The following ADGB variants were observed in gnomAD, a reference collection of about 807,000 sequenced individuals.
ADGB encodes the protein androglobin, also known as calpain-7-like protein.
A neutral mutation model predicts 210.5 loss-of-function variants in ADGB; 172 were observed. The observed-to-expected ratio is 0.82, with a 90% confidence interval of 0.72 to 0.93. The LOEUF (loss-of-function observed/expected upper bound fraction) is 0.93. Ranked by LOEUF, ADGB falls within the 40% of genes least tolerant of loss-of-function variation. ADGB has a pLI of 0.00. For missense variants in ADGB, 2,025 were observed against 1,964.8 expected (o/e 1.03, Z -0.58); for synonymous variants, 658 against 662.7 (o/e 0.99, Z 0.11).
At position 146,684,737 on chromosome 6, in the gene ADGB, C is replaced by T. The variant is rs190387027; in HGVS notation, c.1217-997C>T. On this transcript the variant is annotated intron_variant, in intron 9 of 35. Transcript: ENST00000397944. ...CTGCAGAGTTAGTTAATCCAACTAACTTTGGATTAAAAGTTAGTTGGGGAG... is the reference window on the plus strand; with the variant it reads ...CTGCAGAGTTAGTTAATCCAACTAATTTTGGATTAAAAGTTAGTTGGGGAG... 5.3e-5 allele frequency among the ~76,000 whole-genome samples: 8 copies of T among 152,072 alleles called. No homozygotes were observed. In the East Asian group the frequency reaches 1.5e-3, roughly 29 times the overall value.
chr6:146,783,788 C>T (rs1432895577), intron 30 of ADGB, among the ~76,000 whole-genome samples: 1 of 152,190 alleles, frequency 6.6e-6, no homozygotes, highest in Non-Finnish European at 1.5e-5. Flanking sequence ...TTTCAATCCT[C>T]TCTTCCTACC....
chr6:146,599,500 G>A (rs1282248193), intron 1 of ADGB, among the ~76,000 whole-genome samples: 1 of 152,184 alleles, frequency 6.6e-6, no homozygotes, highest in Non-Finnish European at 1.5e-5. Context: ...CAGACAGCGA[G>A]TGACAGACAG....
intron 12 of ADGB, among the ~76,000 whole-genome samples, chr6:146,694,722 T>G (rs1034130316): frequency 2.0e-5 from 3 of 152,184 alleles, no homozygotes; most frequent in Non-Finnish European, 4.4e-5. Flanking sequence ...AACAATTATA[T>G]ATGCACCACT....
chr6:146,805,328 A>G (rs1445010846), intron 35 of ADGB, among the ~76,000 whole-genome samples: 1 of 152,234 alleles, frequency 6.6e-6, no homozygotes, highest in East Asian at 1.9e-4. Flanking sequence ...TTGTAGCATC[A>G]AGCACTGTGA....
At chr6:146,709,642 G>C (rs1475804682) in intron 13 of ADGB, among the ~76,000 whole-genome samples, 2 of 152,192 alleles carry the variant, frequency 1.3e-5, no homozygotes, top group Admixed American at 6.5e-5. Context: ...GGGCCAGCCC[G>C]CCACCAGGGT....
intron 33 of ADGB, among the ~76,000 whole-genome samples, chr6:146,799,582 G>C (rs1778095566): frequency 6.6e-6 from 1 of 150,498 alleles, no homozygotes; most frequent in Admixed American, 6.6e-5. Flanking sequence ...CAGGCAGGCA[G>C]GGAGGGAGAG....
intron 29 of ADGB, among the ~76,000 whole-genome samples, chr6:146,775,153 C>G (rs1488390059): frequency 2.6e-5 from 4 of 152,084 alleles, no homozygotes; most frequent in African/African-American, 9.7e-5. Context: ...TATTAGTACA[C>G]TGGTGACCTA....
chr6:146,652,375 G>C (rs1334032786), intron 3 of ADGB, among the ~76,000 whole-genome samples: 2 of 152,118 alleles, frequency 1.3e-5, no homozygotes, highest in Non-Finnish European at 2.9e-5. Flanking sequence ...GATCTGCAGA[G>C]TCAATTCAAG....
chr6:146,700,787 A>T (rs1171943413), intron 12 of ADGB, among the ~76,000 whole-genome samples, 154 bp from the exon 13 acceptor site: 1 of 152,216 alleles, frequency 6.6e-6, no homozygotes, highest in African/African-American at 2.4e-5. Flanking sequence ...ATGTTTTAAC[A>T]TGAGGTAAAA....
intron 1 of ADGB, among the ~76,000 whole-genome samples, chr6:146,618,948 T>C (rs984067431): frequency 6.6e-6 from 1 of 151,712 alleles, no homozygotes; most frequent in East Asian, 1.9e-4. Context: ...AAATCCTCTA[T>C]TGGATTGAAA....
intron 32 of ADGB, among the ~76,000 whole-genome samples, chr6:146,786,065 A>G (rs1777868735): frequency 6.6e-6 from 1 of 150,550 alleles, no homozygotes; most frequent in Admixed American, 6.7e-5. Context: ...TATTATTATT[A>G]GAAAGGTACC....
intron 35 of ADGB, among the ~76,000 whole-genome samples, chr6:146,813,685 T>C (rs1431348140): frequency 2.0e-5 from 3 of 152,220 alleles, no homozygotes; most frequent in Non-Finnish European, 4.4e-5. Context: ...ATTAAAATTG[T>C]GTAAATTCAA....
At chr6:146,796,954 A>G (rs1445133456) in intron 33 of ADGB, among the ~76,000 whole-genome samples, 1 of 152,192 alleles carries the variant, frequency 6.6e-6, no homozygotes, top group Non-Finnish European at 1.5e-5. Context: ...CATTCGACAA[A>G]GGACAAATAT....
At chr6:146,745,790 C>G (rs1288047953) in intron 25 of ADGB, 132 bp from the exon 26 acceptor site, 5 of 614,364 alleles carry the variant, frequency 8.1e-6, no homozygotes, top group Non-Finnish European at 5.1e-6. Context: ...CCTAGTGATT[C>G]TATGTTTATT....
At chr6:146,707,167 T>C (rs1776585693) in intron 13 of ADGB, among the ~76,000 whole-genome samples, 1 of 152,156 alleles carries the variant, frequency 6.6e-6, no homozygotes, top group Non-Finnish European at 1.5e-5. Flanking sequence ...CTGTTGTTGA[T>C]TTTTAGACTC....
intron 33 of ADGB, among the ~76,000 whole-genome samples, chr6:146,793,362 T>C (rs1014858184): frequency 6.6e-6 from 1 of 151,944 alleles, no homozygotes; most frequent in African/African-American, 2.4e-5. Flanking sequence ...CACCTTTCAA[T>C]CCCCCCACTA....
chr6:146,664,249 G>C lies in ADGB; in HGVS notation c.661G>C (p.Asp221His). Residue 221 changes from aspartate to histidine, a missense_variant, in exon 6 of 36, where the codon GAT (aspartate) becomes CAT (histidine). By Grantham distance (81) the Asp-to-His change is moderately conservative (BLOSUM62 -1). Coordinates refer to ENST00000397944, the MANE Select transcript of ADGB (RefSeq NM_024694.4). ...TIDDFLPFDEDNNLLLPATTY... is the reference protein window; with the variant it reads ...TIDDFLPFDEHNNLLLPATTY... ...TGATGACTTTTTGCCTTTTGATGAA[G>C]ATAACAATCTATTGCTTCCAGCTAC... 3.2e-6 allele frequency: 5 copies of C among 1,549,218 alleles called. No individual in the cohort carries two copies. Among genetic ancestry groups the C allele is most frequent in the Non-Finnish European group, 4.4e-6 (5 of 1,145,702 alleles).
In ADGB at chr6:146,656,804, G is replaced by T. The variant is rs1775788494; in HGVS notation, c.436G>T (p.Val146Leu). 1 of 1,550,352 alleles carries T rather than the reference G, an allele frequency of 6.5e-7. No individual in the cohort carries two copies. The highest frequency in any genetic ancestry group is 8.7e-7 in the Non-Finnish European group (1 of 1,146,232). ...MRWIISEIYA[V>L]WKIFNGGILS... ...ATGGATTATCAGTGAAATCTATGCA[G>T]TGTGGAAGATCTTCAATGGAGGAAT... is the stretch of plus-strand genomic sequence containing the variant. The change falls in exon 5 of 36, where the codon GTG becomes TTG. Residue 146 changes from valine to leucine, a missense_variant. Transcript: ENST00000397944.
At position 146,717,564 on chromosome 6, in the gene ADGB, T is replaced by A; in HGVS notation, c.1957T>A (p.Ser653Thr). Residue 653 changes from serine (S) to threonine (T), a missense_variant, in exon 16 of 36, where the codon TCA (serine) becomes ACA (threonine). Physicochemically the swap from Ser to Thr is moderately conservative, Grantham distance 58. Coordinates refer to ENST00000397944, the MANE Select transcript of ADGB (RefSeq NM_024694.4). The part of the protein sequence containing the change: ...QNIYIFHKPS[S>T]YCLNFQKSEF... Reference sequence around the variant, plus strand: ...TATATATATTTTCCACAAGCCAAGTTCATATTGCCTTAACTTTCAAAAATC... The same window carrying A: ...TATATATATTTTCCACAAGCCAAGTACATATTGCCTTAACTTTCAAAAATC... 7.1e-7 allele frequency: 1 copy of A among 1,409,354 alleles called. No homozygotes were observed. Among genetic ancestry groups the A allele is most frequent in the Non-Finnish European group, 9.7e-7 (1 of 1,036,200 alleles). 87.3% of individuals were successfully genotyped at this position (1,409,354 alleles called of 1,614,324 possible).
Sources: gnomAD v4.1 joint callset for allele counts (sites outside exome capture counted in the v4.1 genomes callset) on GRCh38, gnomAD v4.1.1 for gene constraint, MANE v1.5 for transcripts, NCBI Gene and HGNC (gene_info 2026-07-23, HGNC 2026-07-21) for gene names.